The following XPO4 variants were observed in gnomAD, a reference collection of about 807,000 sequenced individuals.
The protein encoded by XPO4 is exportin 4.
XPO4 carries 39 observed loss-of-function variants against 143.0 expected under a neutral mutation model. The ratio of observed to expected loss-of-function variants is 0.27; its 90% CI spans 0.21 to 0.36. The LOEUF (loss-of-function observed/expected upper bound fraction) is 0.36, where lower values mean the gene tolerates loss of function less well. Ranked by LOEUF, XPO4 falls within the 10% of genes least tolerant of loss-of-function variation. The pLI, the probability that XPO4 is intolerant of heterozygous loss-of-function variation, is 1.00. For synonymous variants in XPO4, 439 were observed against 474.0 expected (o/e 0.93, Z 0.96); for missense variants, 907 against 1,348.0 (o/e 0.67, Z 5.12).
At chr13:20,800,693 A>G in intron 14 of XPO4, 138 bp downstream of exon 14, 1 of 1,092,056 alleles carries the variant, frequency 9.2e-7, no homozygotes, top group Non-Finnish European at 1.3e-6. Flanking sequence ...CCAGTCACAT[A>G]ATTCTCTTCC....
rs1010705489 is a variant in XPO4, at chr13:20,862,667, A to C, written c.317+50T>G. ...CAAACAAAAAAAGCTCTAAAAAGAT[A>C]CACATAAGCTCAGCAAAAGTATTTC... is the stretch of plus-strand genomic sequence containing the variant. On this transcript the variant is annotated intron_variant, in intron 3 of 22. Transcript: ENST00000255305. The C allele has an allele frequency of 3.8e-6, 6 of 1,599,898 alleles. No individual in the cohort carries two copies. In the Admixed American group the frequency reaches 7.0e-5, roughly 19 times the overall value.
At chr13:20,854,235 C>A (rs1000351862) in intron 4 of XPO4, among the ~76,000 whole-genome samples, 4 of 152,154 alleles carry the variant, frequency 2.6e-5, no homozygotes, top group African/African-American at 9.7e-5. Flanking sequence ...GGTCTAGACT[C>A]CTGAGGTATC....
At chr13:20,891,183 C>G (rs1034479702) in intron 1 of XPO4, among the ~76,000 whole-genome samples, 4 of 144,748 alleles carry the variant, frequency 2.8e-5, no homozygotes, top group African/African-American at 1.0e-4. Context: ...CTTGTGGTGT[C>G]TAACACAGTA....
chr13:20,846,651 TTCTA>T (rs2060032195), intron 4 of XPO4, among the ~76,000 whole-genome samples: 1 of 152,216 alleles, frequency 6.6e-6, no homozygotes, highest in Non-Finnish European at 1.5e-5. Flanking sequence ...AAAAATATAC[TTCTA>T]TCTTAGAAAA....
chr13:20,874,632 G>A (rs1197549018), intron 1 of XPO4, among the ~76,000 whole-genome samples: 1 of 152,132 alleles, frequency 6.6e-6, no homozygotes, highest in African/African-American at 2.4e-5. Context: ...AACACGGCTA[G>A]AAGGCCCTCA....
At chr13:20,863,673 A>G (rs1342706991) in intron 2 of XPO4, among the ~76,000 whole-genome samples, 2 of 152,234 alleles carry the variant, frequency 1.3e-5, no homozygotes, top group Non-Finnish European at 2.9e-5. Context: ...AACAGTTGAA[A>G]TGAAGTCAAG....
intron 4 of XPO4, chr13:20,851,020 T>C (rs752011504): frequency 1.2e-5 from 12 of 985,340 alleles, no homozygotes; most frequent in Non-Finnish European, 1.4e-5. Flanking sequence ...TTATAGCCAA[T>C]ACTAAATCAA....
At chr13:20,834,630 C>T (rs967909501) in intron 6 of XPO4, among the ~76,000 whole-genome samples, 7 of 147,650 alleles carry the variant, frequency 4.7e-5, no homozygotes, top group Admixed American at 4.2e-4. Flanking sequence ...AACTATAAAA[C>T]AGTGTTGAAA....
chr13:20,902,539 A>ACCT lies in XPO4; in HGVS notation c.69+128_69+130dup, dbSNP rs1194218287. On this transcript the variant is annotated intron_variant, in intron 1 of 22. Coordinates refer to ENST00000255305, the MANE Select transcript of XPO4 (RefSeq NM_022459.5). Reference sequence around the variant, plus strand: ...AAGAATCCTGCGCCACGCCACCGCCACCTCCTCCTCCACTTCCAGGCTCCC... The same window carrying ACCT: ...AAGAATCCTGCGCCACGCCACCGCCACCTCCTCCTCCTCCACTTCCAGGCTCCC... 34 of 1,320,260 alleles carry ACCT rather than the reference A, an allele frequency of 2.6e-5. No homozygotes were observed. The East Asian group carries it at 1.0e-3, about 39-fold the overall frequency. 81.8% of individuals were successfully genotyped at this position (1,320,260 alleles called of 1,614,324 possible). A position where few individuals can be genotyped will look rare whatever the true frequency, so the allele number is the denominator to read the frequency against.
At chr13:20,791,718 T>C (rs1324715138) in intron 18 of XPO4, among the ~76,000 whole-genome samples, 6 of 152,236 alleles carry the variant, frequency 3.9e-5, no homozygotes. Context: ...AAATGCAATG[T>C]ATAGTTGACT....
intron 1 of XPO4, among the ~76,000 whole-genome samples, chr13:20,875,553 C>G (rs2763000): frequency 0.23 from 35,252 of 152,082 alleles, 5,763 homozygotes; most frequent in East Asian, 0.8. Flanking sequence ...ATTCCCTCCT[C>G]CATAACTGCC....
At chr13:20,835,684 T>C (rs1486904273) in intron 6 of XPO4, among the ~76,000 whole-genome samples, 1 of 152,224 alleles carries the variant, frequency 6.6e-6, no homozygotes, top group Non-Finnish European at 1.5e-5. Flanking sequence ...TCGAAATATC[T>C]ATATAGTTCA....
intron 9 of XPO4, among the ~76,000 whole-genome samples, chr13:20,812,606 T>C (rs1403365426): frequency 1.3e-5 from 2 of 151,952 alleles, no homozygotes; most frequent in Non-Finnish European, 2.9e-5. Flanking sequence ...GAAGTCAAAA[T>C]GCAATGTGAT....
intron 17 of XPO4, 29 bp downstream of exon 17, chr13:20,796,735 C>A: frequency 6.5e-7 from 1 of 1,527,136 alleles, no homozygotes; most frequent in East Asian, 2.3e-5. Context: ...AGTTTTAATC[C>A]TGAGGGGATA....
Position 20,781,789 on chromosome 13 carries a change from CA to C in XPO4, c.*1932del, listed in dbSNP as rs1263185694. 6.6e-6 allele frequency: 1 copy of C among 151,928 alleles called. No individual in the cohort carries two copies. The highest frequency in any genetic ancestry group is 2.4e-5 in the African/African-American group (1 of 41,324). 9.4% of individuals were successfully genotyped at this position (151,928 alleles called of 1,614,324 possible). On this transcript the variant is annotated 3_prime_UTR_variant, in exon 23 of 23. Transcript: ENST00000255305. ...CACACACACAGATACACATAATTCA[CA>C]ACAGCTGAGAAAGCTTGAGGGATCT...
chr13:20,871,844 TG>T (rs138503228), intron 1 of XPO4, among the ~76,000 whole-genome samples: 5,785 of 152,284 alleles, frequency 0.038, 375 homozygotes, highest in African/African-American at 0.13. Flanking sequence ...ATAATGAAGA[TG>T]ATATTCTATT....
intron 13 of XPO4, among the ~76,000 whole-genome samples, chr13:20,802,634 C>T (rs1566568291): frequency 6.6e-6 from 1 of 151,998 alleles, no homozygotes. Context: ...ATTCTGATAC[C>T]CACTATCACC....
chr13:20,874,278 T>C (rs1220387942), intron 1 of XPO4, among the ~76,000 whole-genome samples: 2 of 152,238 alleles, frequency 1.3e-5, no homozygotes, highest in Non-Finnish European at 2.9e-5. Context: ...CTGGTAGATA[T>C]GAAATAAGCT....
chr13:20,850,764 C>T (rs9509398), intron 4 of XPO4: 3 of 982,482 alleles, frequency 3.1e-6, no homozygotes, highest in Non-Finnish European at 3.6e-6. Context: ...GGCCCTGTTT[C>T]TAAAACAACA....
Sources: gnomAD v4.1 joint callset for allele counts (sites outside exome capture counted in the v4.1 genomes callset) on GRCh38, gnomAD v4.1.1 for gene constraint, MANE v1.5 for transcripts, NCBI Gene and HGNC (gene_info 2026-07-23, HGNC 2026-07-21) for gene names.